Variants in GPHN observed in about 807,000 individuals in gnomAD.
GPHN encodes the protein gephyrin.
A neutral mutation model predicts 95.5 loss-of-function variants in GPHN; 17 were observed. The observed-to-expected ratio is 0.18, with a 90% CI of 0.12 to 0.27. The LOEUF is 0.27. GPHN is among the 10% of genes least tolerant of loss of function. The pLI, the probability that GPHN is intolerant of heterozygous loss-of-function variation, is 1.00. For missense variants in GPHN, 660 were observed against 978.1 expected, an observed-to-expected ratio of 0.67 and a Z score of 4.34; for synonymous variants, 320 against 322.5, an observed-to-expected ratio of 0.99 and a Z score of 0.08.
the GPHN span, among the ~76,000 whole-genome samples, chr14:67,460,140 T>C: frequency 6.6e-6 from 1 of 152,246 alleles, no homozygotes; most frequent in African/African-American, 2.4e-5. Flanking sequence ...GGTGACCATG[T>C]AGTAGTTCCC....
the GPHN span, among the ~76,000 whole-genome samples, chr14:67,584,952 T>C: frequency 1.3e-5 from 2 of 152,368 alleles, no homozygotes; most frequent in South Asian, 2.1e-4. Flanking sequence ...AAAGGTGGCA[T>C]GTCCAATGTC....
At chr14:66,703,748 G>A (rs537520484) in intron 2 of GPHN, among the ~76,000 whole-genome samples, 145 of 152,204 alleles carry the variant, frequency 9.5e-4, no homozygotes, top group Middle Eastern at 6.8e-3. Context: ...AAAATAACCA[G>A]GTAGCATCAT....
chr14:67,620,812 C>A, the GPHN span: 7 of 1,407,268 alleles, frequency 5.0e-6, no homozygotes, highest in South Asian at 5.8e-5. Context: ...TTCAGAGGAA[C>A]CTGCTGGGAA....
chr14:66,648,449 G>A (rs2064870222), intron 1 of GPHN, among the ~76,000 whole-genome samples: 1 of 152,092 alleles, frequency 6.6e-6, no homozygotes, highest in South Asian at 2.1e-4. Context: ...TCAATCAGTG[G>A]TGGACAACAT....
chr14:66,921,966 C>A (rs2066241252), intron 6 of GPHN, among the ~76,000 whole-genome samples: 1 of 152,106 alleles, frequency 6.6e-6, no homozygotes, highest in South Asian at 2.1e-4. Flanking sequence ...AGGAAAAGGA[C>A]ACCCTTTTCA....
chr14:67,729,145 G>T, the GPHN span: 1 of 1,589,164 alleles, frequency 6.3e-7, no homozygotes. Flanking sequence ...CTGTTTTCCT[G>T]GGCTCAGAGT....
chr14:67,557,409 G>A, the GPHN span: 1 of 1,613,172 alleles, frequency 6.2e-7, no homozygotes, highest in Non-Finnish European at 8.5e-7. Context: ...AGGCTCAGCT[G>A]GAGAAGCAGG....
intron 12 of GPHN, among the ~76,000 whole-genome samples, chr14:67,098,711 A>G (rs918652746): frequency 2.0e-5 from 3 of 152,024 alleles, no homozygotes; most frequent in Non-Finnish European, 1.5e-5. Flanking sequence ...AATCCCAGCT[A>G]CTCAGGAGGC....
intron 21 of GPHN, 146 bp from the exon 22 acceptor site, chr14:67,179,428 AAAAG>A (rs1389923900): frequency 2.5e-5 from 16 of 629,768 alleles, no homozygotes; most frequent in Non-Finnish European, 4.0e-5. Context: ...TTTAAAAAGA[AAAAG>A]AACATAAGGT....
the GPHN span, among the ~76,000 whole-genome samples, chr14:67,682,247 C>CA: frequency 2.0e-5 from 3 of 152,178 alleles, no homozygotes; most frequent in East Asian, 5.8e-4. Context: ...GCACAAGTGA[C>CA]AAAAAATAGA....
rs189375124 is a variant in GPHN, at chr14:66,622,797, C to G, written c.65-58310C>G. 1.7e-3 allele frequency among the ~76,000 whole-genome samples: 258 copies of G among 152,236 alleles called. 1 individual carries two copies. Among genetic ancestry groups the G allele is most frequent in the South Asian group, 0.011 (54 of 4,820 alleles). On this transcript the variant is annotated intron_variant, in intron 1 of 22. Coordinates refer to ENST00000478722, the MANE Select transcript of GPHN (RefSeq NM_020806.5). ...CTTGTGAGACCACCTCAGCCTGTAC[C>G]TTTTTGTTCATATCACTATCAGCAT...
At chr14:66,800,556 G>A (rs936960875) in intron 3 of GPHN, among the ~76,000 whole-genome samples, 3 of 151,852 alleles carry the variant, frequency 2.0e-5, no homozygotes, top group African/African-American at 7.3e-5. Flanking sequence ...AAGTATTGGA[G>A]CTATATTGTA....
At chr14:66,947,550 C>G (rs1246283178) in intron 8 of GPHN, among the ~76,000 whole-genome samples, 1 of 152,110 alleles carries the variant, frequency 6.6e-6, no homozygotes, top group African/African-American at 2.4e-5. Context: ...GTAAATATAT[C>G]CCATGAAAAC....
At chr14:67,241,243 G>C in the GPHN span, 1 of 152,302 alleles carries the variant, frequency 6.6e-6, no homozygotes, top group African/African-American at 2.4e-5. Flanking sequence ...GTGGGACTCG[G>C]ATCCGCGCGC....
intron 11 of GPHN, among the ~76,000 whole-genome samples, chr14:67,086,435 A>T (rs939140809): frequency 2.6e-5 from 4 of 152,018 alleles, no homozygotes; most frequent in African/African-American, 9.7e-5. Flanking sequence ...GCAGATCACG[A>T]GGTCAGGAGA....
chr14:66,987,083 T>A (rs1478931159), intron 9 of GPHN, among the ~76,000 whole-genome samples: 1 of 152,136 alleles, frequency 6.6e-6, no homozygotes, highest in Non-Finnish European at 1.5e-5. Flanking sequence ...GTGTTAATAG[T>A]GTGCCTATTT....
chr14:67,491,739 G>A, the GPHN span, among the ~76,000 whole-genome samples: 1 of 152,178 alleles, frequency 6.6e-6, no homozygotes, highest in Non-Finnish European at 1.5e-5. Context: ...ACTTATCCTA[G>A]AGTAAGAAAA....
At chr14:67,487,722 C>T in the GPHN span, among the ~76,000 whole-genome samples, 1 of 152,026 alleles carries the variant, frequency 6.6e-6, no homozygotes. Flanking sequence ...TGGTTGAGGC[C>T]CTTCCTATGA....
the GPHN span, chr14:67,303,711 C>A: frequency 1.4e-6 from 1 of 711,636 alleles, no homozygotes; most frequent in Non-Finnish European, 2.3e-6. Context: ...TAAATTCAAT[C>A]ATTTTTATTT....
Sources: gnomAD v4.1 joint callset for allele counts (sites outside exome capture counted in the v4.1 genomes callset) on GRCh38, gnomAD v4.1.1 for gene constraint, MANE v1.5 for transcripts, NCBI Gene and HGNC (gene_info 2026-07-23, HGNC 2026-07-21) for gene names.